The following MINPP1 variants were observed in gnomAD, a reference collection of about 807,000 sequenced individuals.
MINPP1 encodes the protein multiple inositol-polyphosphate phosphatase 1.
MINPP1 carries 28 observed loss-of-function variants against 46.1 expected under a neutral mutation model. The observed-to-expected ratio is 0.61, with a 90% CI of 0.45 to 0.83. The LOEUF (loss-of-function observed/expected upper bound fraction) is 0.83. MINPP1 is among the 40% of genes least tolerant of loss of function. The probability of loss-of-function intolerance (pLI) is 0.00; values close to 1 mark genes in which losing one functional copy is unlikely to be tolerated. For missense variants in MINPP1, 603 were observed against 610.0 expected (o/e 0.99, Z 0.12); for synonymous variants, 268 against 249.1 (o/e 1.08, Z -0.72).
chr10:87,509,507 TGTG>T (rs1254919142), intron 2 of MINPP1, among the ~76,000 whole-genome samples: 1 of 152,236 alleles, frequency 6.6e-6, no homozygotes, highest in Non-Finnish European at 1.5e-5. Context: ...AAAAGGCTAA[TGTG>T]GTGAACATCC....
At chr10:87,524,511 C>G (rs958963342) in intron 4 of MINPP1, among the ~76,000 whole-genome samples, 1 of 152,218 alleles carries the variant, frequency 6.6e-6, no homozygotes, top group Admixed American at 6.5e-5. Flanking sequence ...TTAATTTCCT[C>G]CAAGAACTTT....
intron 1 of MINPP1, among the ~76,000 whole-genome samples, chr10:87,506,277 C>A (rs1851248451): frequency 6.6e-6 from 1 of 151,784 alleles, no homozygotes; most frequent in African/African-American, 2.4e-5. Context: ...GGTGAAGAAC[C>A]CGAGCCCAAG....
chr10:87,544,415 G>T (rs965269266), intron 4 of MINPP1, among the ~76,000 whole-genome samples: 1 of 152,140 alleles, frequency 6.6e-6, no homozygotes, highest in Admixed American at 6.5e-5. Context: ...TCATTACTTA[G>T]ACATGATTAA....
At position 87,552,174 on chromosome 10, in the gene MINPP1, A is replaced by G. The variant is rs780718618; in HGVS notation, c.1160A>G (p.Lys387Arg). The G allele has an allele frequency of 3.7e-6, 6 of 1,613,776 alleles. No individual in the cohort carries two copies. The African/African-American group carries it at 4.0e-5, about 11-fold the overall frequency. ...TCTCTCATGGGCTACTTCAAAGACA[A>G]GGAACCCCTAACAGCGTACAATTAC... ...LLSLMGYFKDKEPLTAYNYKK... is the reference protein window; with the variant it reads ...LLSLMGYFKDREPLTAYNYKK... The change falls in exon 5 of 5, where the codon AAG (lysine) becomes AGG (arginine). Residue 387 changes from lysine to arginine, a missense_variant. Physicochemically the swap from Lys to Arg is conservative, Grantham distance 26. Around this residue, in one of 3 missense-constraint regions of MINPP1, gnomAD observed 344 missense variants for 381.1 expected, o/e 0.90. Coordinates refer to ENST00000371996, the MANE Select transcript of MINPP1 (RefSeq NM_004897.5).
At chr10:87,547,555 A>G (rs1388784260) in intron 4 of MINPP1, among the ~76,000 whole-genome samples, 2 of 152,200 alleles carry the variant, frequency 1.3e-5, no homozygotes, top group Admixed American at 6.5e-5. Flanking sequence ...TTTCCATACA[A>G]TTTAATTTAT....
chr10:87,529,686 A>G (rs926958030), intron 4 of MINPP1, among the ~76,000 whole-genome samples: 1 of 151,990 alleles, frequency 6.6e-6, no homozygotes, highest in Non-Finnish European at 1.5e-5. Flanking sequence ...TGTGTCTTGG[A>G]GTTGCTCTTC....
chr10:87,544,289 G>T (rs573222272), intron 4 of MINPP1, among the ~76,000 whole-genome samples: 32 of 152,318 alleles, frequency 2.1e-4, no homozygotes, highest in South Asian at 1.9e-3. Flanking sequence ...AGGTATGGGG[G>T]AAAGGATGTG....
Position 87,552,437 on chromosome 10 carries a change from T to C in MINPP1, c.1423T>C (p.Cys475Arg). 1 of 1,613,256 alleles carries C rather than the reference T, an allele frequency of 6.2e-7. No individual in the cohort carries two copies. The highest frequency in any genetic ancestry group is 8.5e-7 in the Non-Finnish European group (1 of 1,179,688). The stretch of plus-strand genomic sequence containing the variant: ...TCAGAGTTGTCAAACCAGTGAAGAA[T>C]GTGAATTAGCAAGGGCTAACAGTAC... ...ILQSCQTSEE[C>R]ELARANSTSD... is the part of the protein sequence containing the mutation. The change falls in exon 5 of 5, where the codon TGT becomes CGT. Residue 475 changes from cysteine to arginine, a missense_variant. Coordinates refer to ENST00000371996, the MANE Select transcript of MINPP1 (RefSeq NM_004897.5).
At chr10:87,514,491 G>A (rs144371287) in intron 3 of MINPP1, among the ~76,000 whole-genome samples, 8 of 152,178 alleles carry the variant, frequency 5.3e-5, no homozygotes, top group East Asian at 1.9e-4. Context: ...TTTTAGTCTC[G>A]TTTAACCTGA....
chr10:87,529,996 C>T (rs890505807), intron 4 of MINPP1, among the ~76,000 whole-genome samples: 12 of 152,156 alleles, frequency 7.9e-5, no homozygotes, highest in African/African-American at 2.2e-4. Context: ...TTGATTGAAT[C>T]GGCTACTGAA....
At chr10:87,529,469 G>A (rs1296842874) in intron 4 of MINPP1, among the ~76,000 whole-genome samples, 1 of 152,128 alleles carries the variant, frequency 6.6e-6, no homozygotes, top group Non-Finnish European at 1.5e-5. Flanking sequence ...CACTTATGAA[G>A]CTTAGTTTGG....
chr10:87,552,773 G>C lies in MINPP1; in HGVS notation c.*295G>C, dbSNP rs1331077670. 5.1e-6 allele frequency: 2 copies of C among 390,496 alleles called. No homozygotes were observed. The highest frequency in any genetic ancestry group is 4.1e-5 in the African/African-American group (2 of 48,746). The allele number at this position is 390,496 out of a possible 1,614,324, so 24.2% of individuals were successfully genotyped here. On this transcript the variant is annotated 3_prime_UTR_variant, in exon 5 of 5. Transcript: ENST00000371996. ...ATATAAGAAATCTCACACTGAGATA[G>C]AATTGTGATTTCATAATAACACTTG...
chr10:87,551,987 A>G, intron 4 of MINPP1, 95 bp from the exon 5 acceptor site: 1 of 966,660 alleles, frequency 1.0e-6, no homozygotes, highest in African/African-American at 1.7e-5. Flanking sequence ...GATTATTTAA[A>G]CTAAAAAAAG....
chr10:87,505,603 G>C lies in MINPP1; in HGVS notation c.637+51G>C, dbSNP rs746148934. 3.2e-6 allele frequency: 5 copies of C among 1,543,804 alleles called. No individual in the cohort carries two copies. The highest frequency in any genetic ancestry group is 3.5e-6 in the Non-Finnish European group (4 of 1,148,218). On this transcript the variant is annotated intron_variant, in intron 1 of 4. Transcript: ENST00000371996. This position sits in a 1 kb window ranked among gnomAD's most constrained non-coding sequence, Gnocchi z 4.4. ...TGTCCCGGTCCTCCCACCCGCCCTG[G>C]ATGCTCTCCCGCCTCCCCCAGACCC...
chr10:87,513,103 T>A (rs1379400896), intron 2 of MINPP1, 21 bp from the exon 3 acceptor site: 1 of 1,594,288 alleles, frequency 6.3e-7, no homozygotes, highest in South Asian at 1.1e-5. Flanking sequence ...CCCACAAAAT[T>A]TTACCTTTTT....
Position 87,505,898 on chromosome 10 carries a change from C to T in MINPP1, c.637+346C>T, listed in dbSNP as rs562343101. 1.3e-5 allele frequency among the ~76,000 whole-genome samples: 2 copies of T among 152,146 alleles called. No individual in the cohort carries two copies. Among genetic ancestry groups the T allele is most frequent in the Non-Finnish European group, 2.9e-5 (2 of 68,030 alleles). Reference sequence around the variant, plus strand: ...TCCCAAACTGAATTGCCCCTTCGAGCGCCAACCCATCCCTTCCCCCTTCCC... The same window carrying T: ...TCCCAAACTGAATTGCCCCTTCGAGTGCCAACCCATCCCTTCCCCCTTCCC... On this transcript the variant is annotated intron_variant, in intron 1 of 4. Transcript: ENST00000371996. This position sits in a 1 kb window ranked among gnomAD's most constrained non-coding sequence, Gnocchi z 4.4.
intron 4 of MINPP1, among the ~76,000 whole-genome samples, chr10:87,544,766 A>G (rs1198639332): frequency 6.6e-6 from 1 of 152,188 alleles, no homozygotes. Context: ...TATGAATAGT[A>G]ATACTTTACA....
At chr10:87,539,067 G>A (rs936010698) in intron 4 of MINPP1, among the ~76,000 whole-genome samples, 1 of 152,128 alleles carries the variant, frequency 6.6e-6, no homozygotes, top group African/African-American at 2.4e-5. Context: ...ACCAATTTCT[G>A]TAAGTAAAAG....
chr10:87,551,599 G>A (rs1476931073), intron 4 of MINPP1, among the ~76,000 whole-genome samples: 1 of 152,024 alleles, frequency 6.6e-6, no homozygotes, highest in Non-Finnish European at 1.5e-5. Flanking sequence ...GAATTACCAT[G>A]TAATCCTGTT....
Sources: allele counts gnomAD v4.1 joint callset (sites outside exome capture counted in the v4.1 genomes callset), GRCh38; gene constraint gnomAD v4.1.1; regional missense constraint gnomAD v4.1.1; non-coding constraint Gnocchi (gnomAD v3.1); transcripts MANE v1.5; gene names NCBI Gene and HGNC (gene_info 2026-07-23, HGNC 2026-07-21).